Variants in PODXL2 observed in about 807,000 individuals in gnomAD.
PODXL2 encodes podocalyxin-like protein 2.
Under a neutral mutation model 53.4 loss-of-function variants are expected in PODXL2, and 17 were observed. That is an observed-to-expected ratio of 0.32 (90% CI 0.22 to 0.48). The LOEUF (loss-of-function observed/expected upper bound fraction) is 0.48. Among genes scored for constraint, PODXL2 ranks in the 20% least tolerant of loss-of-function variants. The pLI is 0.99. For synonymous variants in PODXL2, 311 were observed against 306.7 expected (o/e 1.01, Z -0.15); for missense variants, 673 against 760.0 (o/e 0.89, Z 1.35).
At chr3:127,657,011 A>T (rs1230554827) in intron 2 of PODXL2, among the ~76,000 whole-genome samples, 1 of 152,206 alleles carries the variant, frequency 6.6e-6, no homozygotes, top group African/African-American at 2.4e-5. Context: ...ACTGCACTCC[A>T]GCCTGGGTGA....
At chr3:127,636,251 A>G (rs2074577535) in intron 1 of PODXL2, among the ~76,000 whole-genome samples, 1 of 152,138 alleles carries the variant, frequency 6.6e-6, no homozygotes, top group South Asian at 2.1e-4. Flanking sequence ...GTTTTGGGGT[A>G]GGACAGGGCA....
At chr3:127,654,945 T>C (rs1576431768) in intron 2 of PODXL2, among the ~76,000 whole-genome samples, 1 of 152,194 alleles carries the variant, frequency 6.6e-6, no homozygotes, top group East Asian at 1.9e-4. Context: ...AATTTTTCTT[T>C]CTTTCTTTTT....
chr3:127,663,150 A>C (rs2074777653), intron 4 of PODXL2, among the ~76,000 whole-genome samples: 1 of 152,186 alleles, frequency 6.6e-6, no homozygotes, highest in Non-Finnish European at 1.5e-5. Context: ...GCTGTGCAGC[A>C]CTGCGGGAAG....
At chr3:127,636,860 G>C (rs904683483) in intron 1 of PODXL2, among the ~76,000 whole-genome samples, 1 of 152,082 alleles carries the variant, frequency 6.6e-6, no homozygotes, top group Non-Finnish European at 1.5e-5. Flanking sequence ...GTCTCACTCT[G>C]TCGCCCAGGC....
At chr3:127,662,879 T>C (rs2074776103) in intron 4 of PODXL2, among the ~76,000 whole-genome samples, 2 of 152,256 alleles carry the variant, frequency 1.3e-5, no homozygotes, top group Non-Finnish European at 2.9e-5. Flanking sequence ...AGGGAACTTC[T>C]GTTCTGTTCG....
chr3:127,642,584 A>G (rs2074628040), intron 2 of PODXL2, among the ~76,000 whole-genome samples: 1 of 152,094 alleles, frequency 6.6e-6, no homozygotes, highest in African/African-American at 2.4e-5. Flanking sequence ...GGAGACGAAG[A>G]GAATGAACGC....
At chr3:127,642,114 A>T (rs571973952) in intron 2 of PODXL2, among the ~76,000 whole-genome samples, 2 of 151,860 alleles carry the variant, frequency 1.3e-5, no homozygotes, top group African/African-American at 4.8e-5. Flanking sequence ...ACATGGTGTA[A>T]CTCCGTCTCT....
intron 2 of PODXL2, among the ~76,000 whole-genome samples, chr3:127,658,791 A>G (rs1194333077): frequency 6.6e-6 from 1 of 151,750 alleles, no homozygotes; most frequent in Non-Finnish European, 1.5e-5. Flanking sequence ...TGATGATACA[A>G]GCTTTCATTG....
intron 2 of PODXL2, among the ~76,000 whole-genome samples, chr3:127,640,517 A>G (rs1478820675): frequency 2.6e-5 from 4 of 152,084 alleles, no homozygotes; most frequent in South Asian, 2.1e-4. Flanking sequence ...CCTGGCCAAC[A>G]TGGTGAAACC....
Position 127,634,350 on chromosome 3 carries a change from G to A in PODXL2, c.71-4895G>A, listed in dbSNP as rs143160654. Among the ~76,000 whole-genome samples the A allele has an allele frequency of 7.2e-5, 11 of 152,014 alleles. No homozygotes were observed. In the East Asian group the frequency reaches 1.4e-3, roughly 19 times the overall value. On this transcript the variant is annotated intron_variant, in intron 1 of 7. Transcript: ENST00000342480. ...TGAGGCAGGAGAATCGCTTGAACTCGGGAGGCGAAGGTTGCAGTGAGCTGA... is the reference window on the plus strand; with the variant it reads ...TGAGGCAGGAGAATCGCTTGAACTCAGGAGGCGAAGGTTGCAGTGAGCTGA...
intron 2 of PODXL2, among the ~76,000 whole-genome samples, chr3:127,641,116 TG>T (rs1225797872): frequency 6.6e-6 from 1 of 152,154 alleles, no homozygotes; most frequent in African/African-American, 2.4e-5. Context: ...TTCACCATGT[TG>T]GCCAGGCTGG....
rs543898509 is a variant in PODXL2 at position 127,642,262 on chromosome 3, C to G, written c.349+2739C>G. 2.7e-3 allele frequency among the ~76,000 whole-genome samples: 405 copies of G among 148,046 alleles called. 1 individual carries two copies. Among genetic ancestry groups the G allele is most frequent in the African/African-American group, 9.5e-3 (372 of 39,258 alleles). On this transcript the variant is annotated intron_variant, in intron 2 of 7. Transcript: ENST00000342480. ...CTGAGATTGCACCACTGCACTCCAG[C>G]CTGGGGGACAGAGCGAGACTCCATC...
chr3:127,665,951 G>T (rs529232348), intron 4 of PODXL2: 20 of 470,662 alleles, frequency 4.2e-5, no homozygotes, highest in African/African-American at 1.8e-4. Flanking sequence ...CTGGGCCCCA[G>T]GTGTGCTCAT....
intron 2 of PODXL2, among the ~76,000 whole-genome samples, chr3:127,655,649 A>C (rs1398500916): frequency 6.6e-6 from 1 of 152,228 alleles, no homozygotes; most frequent in Non-Finnish European, 1.5e-5. Context: ...CTGAGACCAC[A>C]CTGTAAAAAG....
intron 1 of PODXL2, among the ~76,000 whole-genome samples, chr3:127,631,410 G>GT (rs1054799048): frequency 6.6e-6 from 1 of 152,112 alleles, no homozygotes; most frequent in Non-Finnish European, 1.5e-5. Context: ...CTGGGGTCTT[G>GT]TTTTTTTCAC....
intron 2 of PODXL2, among the ~76,000 whole-genome samples, chr3:127,641,628 C>T (rs747315765): frequency 6.6e-6 from 1 of 151,994 alleles, no homozygotes; most frequent in Non-Finnish European, 1.5e-5. Context: ...GTTGTCCTGC[C>T]TCAGCCTCCT....
intron 2 of PODXL2, among the ~76,000 whole-genome samples, chr3:127,659,028 G>A (rs145565809): frequency 1.4e-3 from 217 of 151,034 alleles, no homozygotes; most frequent in African/African-American, 4.9e-3. Flanking sequence ...TTTTCAATCC[G>A]TTGAATTTTT....
At chr3:127,669,072 G>A in intron 5 of PODXL2, 69 bp from the exon 6 acceptor site, 1 of 1,053,246 alleles carries the variant, frequency 9.5e-7, no homozygotes, top group Non-Finnish European at 1.4e-6. Flanking sequence ...GGAGAGCGGG[G>A]CCAGAGCCCT....
Position 127,632,850 on chromosome 3 carries a change from G to A in PODXL2, c.70+3561G>A, listed in dbSNP as rs567148934. Among the ~76,000 whole-genome samples the A allele has an allele frequency of 2.0e-4, 30 of 152,318 alleles. No homozygotes were observed. The South Asian group carries it at 2.3e-3, about 12-fold the overall frequency. On this transcript the variant is annotated intron_variant, in intron 1 of 7. Coordinates refer to ENST00000342480, the MANE Select transcript of PODXL2 (RefSeq NM_015720.4). Reference sequence around the variant, plus strand: ...ACAGAATAGGAGCTCAGGAGTGACTGTATTTTTCTTTGTAATCGAGAGTCT... The same window carrying A: ...ACAGAATAGGAGCTCAGGAGTGACTATATTTTTCTTTGTAATCGAGAGTCT...
Sources: gnomAD v4.1 joint callset for allele counts (sites outside exome capture counted in the v4.1 genomes callset) on GRCh38, gnomAD v4.1.1 for gene constraint, MANE v1.5 for transcripts, NCBI Gene and HGNC (gene_info 2026-07-23, HGNC 2026-07-21) for gene names.